Variants in CTTNBP2 observed in about 807,000 individuals in gnomAD.
CTTNBP2 encodes cortactin-binding protein 2.
A neutral mutation model predicts 156.9 loss-of-function variants in CTTNBP2; 108 were observed. The ratio of observed to expected loss-of-function variants is 0.69; its 90% CI spans 0.59 to 0.81. The LOEUF is 0.81. CTTNBP2 is among the 30% of genes least tolerant of loss of function. The pLI is 0.00. For synonymous variants in CTTNBP2, 767 were observed against 751.8 expected (o/e 1.02, Z -0.33); for missense variants, 1,924 against 2,035.4 (o/e 0.95, Z 1.05).
At chr7:117,725,371 A>G (rs1795034400) in intron 17 of CTTNBP2, 114 bp from the exon 18 acceptor site, 1 of 910,440 alleles carries the variant, frequency 1.1e-6, no homozygotes, top group Non-Finnish European at 1.7e-6. Flanking sequence ...GTGTTTCTAT[A>G]GATATGCTAC....
chr7:117,749,206 G>A (rs1174772691), intron 12 of CTTNBP2, among the ~76,000 whole-genome samples: 1 of 152,176 alleles, frequency 6.6e-6, no homozygotes, highest in African/African-American at 2.4e-5. Context: ...TGGTTAATTT[G>A]TTATTATTCG....
intron 1 of CTTNBP2, among the ~76,000 whole-genome samples, chr7:117,864,745 TTCA>T (rs1804028897): frequency 1.4e-5 from 2 of 143,272 alleles, no homozygotes; most frequent in Admixed American, 1.4e-4. Flanking sequence ...TATATATTCA[TTCA>T]ATATATATTC....
chr7:117,760,719 A>C lies in CTTNBP2; in HGVS notation c.2897-9T>G. 1 of 1,588,116 alleles carries C rather than the reference A, an allele frequency of 6.3e-7. No homozygotes were observed. Among genetic ancestry groups the C allele is most frequent in the Non-Finnish European group, 8.6e-7 (1 of 1,161,888 alleles). Reference sequence around the variant, plus strand: ...GGGTATTTTAAGAGCATCTGTTAGAAGAGTAAAAGAATTAGGAGTTAAAAA... The same window carrying C: ...GGGTATTTTAAGAGCATCTGTTAGACGAGTAAAAGAATTAGGAGTTAAAAA... On this transcript the variant is annotated splice_polypyrimidine_tract_variant and intron_variant, in intron 9 of 22. Coordinates refer to ENST00000160373, the MANE Select transcript of CTTNBP2 (RefSeq NM_033427.3).
rs191040882 is a variant in CTTNBP2 at position 117,739,813 on chromosome 7, T to C, written c.3536-4392A>G. Among the ~76,000 whole-genome samples, 169 of 152,330 alleles carry C rather than the reference T, an allele frequency of 1.1e-3. 1 individual carries two copies. Among genetic ancestry groups the C allele is most frequent in the Middle Eastern group, 6.8e-3 (2 of 294 alleles). On this transcript the variant is annotated intron_variant, in intron 14 of 22. Transcript: ENST00000160373. ...GCAAGCCTTTAAAGAGTCCCAGGAA[T>C]GCAGGGCCCAAGGAGGTAAACTCAT...
chr7:117,771,926 TGAGGTAATGGCAGCAGCAGGGAGGGGAG>T (rs1328468102), intron 8 of CTTNBP2, among the ~76,000 whole-genome samples: 2 of 152,060 alleles, frequency 1.3e-5, no homozygotes, highest in African/African-American at 4.8e-5. Context: ...AGAGGCCATT[TGAGGTAATGGCAGCAGCAGGGAGGGGAG>T]AGAGCACAGG....
chr7:117,805,817 C>T (rs1419231638), intron 3 of CTTNBP2, among the ~76,000 whole-genome samples: 1 of 152,100 alleles, frequency 6.6e-6, no homozygotes, highest in Non-Finnish European at 1.5e-5. Context: ...TTAATTTGTT[C>T]ACACATTATC....
At chr7:117,794,670 T>A (rs553154612) in intron 3 of CTTNBP2, among the ~76,000 whole-genome samples, 3 of 152,222 alleles carry the variant, frequency 2.0e-5, no homozygotes, top group Non-Finnish European at 4.4e-5. Flanking sequence ...GTTTCTTTAC[T>A]CTGGGATGCT....
At chr7:117,827,627 C>T (rs1190689378) in intron 2 of CTTNBP2, among the ~76,000 whole-genome samples, 1 of 152,086 alleles carries the variant, frequency 6.6e-6, no homozygotes, top group Non-Finnish European at 1.5e-5. Context: ...ATGTAGTTTG[C>T]AGTATGATAA....
At chr7:117,829,399 GT>G (rs1801474903) in intron 2 of CTTNBP2, among the ~76,000 whole-genome samples, 1 of 152,204 alleles carries the variant, frequency 6.6e-6, no homozygotes, top group African/African-American at 2.4e-5. Flanking sequence ...AAACCCATCA[GT>G]TACATGGAAG....
intron 2 of CTTNBP2, among the ~76,000 whole-genome samples, chr7:117,830,059 G>A (rs1269179876): frequency 6.6e-6 from 1 of 152,060 alleles, no homozygotes; most frequent in African/African-American, 2.4e-5. Flanking sequence ...CAACAGAAGA[G>A]TCCACCAAAA....
rs1796711672 is a variant in CTTNBP2 at position 117,753,242 on chromosome 7, T to C, written c.3348+3313A>G. Among the ~76,000 whole-genome samples the C allele has an allele frequency of 5.9e-5, 9 of 152,224 alleles. No individual in the cohort carries two copies. The South Asian group carries it at 1.9e-3, about 32-fold the overall frequency. Reference sequence around the variant, plus strand: ...CAGTCAGAATGGTATTATTAAAAAGTCCAGAGACAACAGATGCTGGCAAGG... The same window carrying C: ...CAGTCAGAATGGTATTATTAAAAAGCCCAGAGACAACAGATGCTGGCAAGG... On this transcript the variant is annotated intron_variant, in intron 12 of 22. Coordinates refer to ENST00000160373, the MANE Select transcript of CTTNBP2 (RefSeq NM_033427.3).
intron 16 of CTTNBP2, among the ~76,000 whole-genome samples, chr7:117,734,115 C>T (rs1026820274): frequency 1.4e-4 from 21 of 152,142 alleles, no homozygotes; most frequent in African/African-American, 4.8e-4. Context: ...CAACAGACTC[C>T]CCTGGACCTG....
At chr7:117,793,692 T>C (rs1303179525) in intron 3 of CTTNBP2, 1 of 152,194 alleles carries the variant, frequency 6.6e-6, no homozygotes, top group African/African-American at 2.4e-5. Flanking sequence ...GGGGTGCCTT[T>C]TCCTTCACAG....
At position 117,710,712 on chromosome 7, in the gene CTTNBP2, TTGTC is replaced by T. The variant is rs1169815652; in HGVS notation, c.*821_*824del. The T allele has an allele frequency of 6.6e-6, 1 of 152,548 alleles. No individual in the cohort carries two copies. The highest frequency in any genetic ancestry group is 2.4e-5 in the African/African-American group (1 of 41,388). 9.4% of individuals were successfully genotyped at this position (152,548 alleles called of 1,614,324 possible). On this transcript the variant is annotated 3_prime_UTR_variant, in exon 23 of 23. Coordinates refer to ENST00000160373, the MANE Select transcript of CTTNBP2 (RefSeq NM_033427.3). ...TCTTAACTGAATTGTGTAAGTAATT[TTGTC>T]TGTAATTTTAGAAGTAACATTTGTA...
chr7:117,850,184 T>G (rs1802847896), intron 2 of CTTNBP2, among the ~76,000 whole-genome samples: 1 of 152,220 alleles, frequency 6.6e-6, no homozygotes, highest in South Asian at 2.1e-4. Context: ...GCTATGTGAC[T>G]GCTTGATTAG....
chr7:117,793,238 T>C (rs1309776154), intron 3 of CTTNBP2, among the ~76,000 whole-genome samples: 1 of 152,234 alleles, frequency 6.6e-6, no homozygotes, highest in African/African-American at 2.4e-5. Context: ...TAAGCCCCCA[T>C]GTTTGCTAAT....
chr7:117,865,671 C>CAAAAAAAAAA (rs61533705), intron 1 of CTTNBP2, among the ~76,000 whole-genome samples: 2 of 74,510 alleles, frequency 2.7e-5, no homozygotes, highest in African/African-American at 1.0e-4. Flanking sequence ...ACTCCATCTC[C>CAAAAAAAAAA]AAAAAAAAAA....
intron 2 of CTTNBP2, among the ~76,000 whole-genome samples, chr7:117,852,110 G>A (rs1308373630): frequency 6.6e-6 from 1 of 152,040 alleles, no homozygotes; most frequent in Non-Finnish European, 1.5e-5. Flanking sequence ...TTCCTTGGTA[G>A]TGCCTCTATC....
chr7:117,852,936 G>A (rs1803027746), intron 2 of CTTNBP2, among the ~76,000 whole-genome samples: 1 of 152,094 alleles, frequency 6.6e-6, no homozygotes, highest in Non-Finnish European at 1.5e-5. Context: ...TTAGGAGTCA[G>A]ACAGAAAATG....
Sources: gnomAD v4.1 joint callset for allele counts (sites outside exome capture counted in the v4.1 genomes callset) on GRCh38, gnomAD v4.1.1 for gene constraint, MANE v1.5 for transcripts, NCBI Gene and HGNC (gene_info 2026-07-23, HGNC 2026-07-21) for gene names.